The following HMCN1 variants were observed in gnomAD, a reference collection of about 807,000 sequenced individuals.
HMCN1 encodes the protein hemicentin 1, also known as hemicentin-1.
A neutral mutation model predicts 625.9 loss-of-function variants in HMCN1; 321 were observed. The observed-to-expected ratio is 0.51, with a 90% CI of 0.47 to 0.56. HMCN1 has a LOEUF of 0.56. Ranked by LOEUF, HMCN1 falls within the 20% of genes least tolerant of loss-of-function variation. The pLI is 0.00. For missense variants in HMCN1, 6,588 were observed against 6,887.3 expected, an observed-to-expected ratio of 0.96 and a Z score of 1.54; for synonymous variants, 2,425 against 2,417.6, an observed-to-expected ratio of 1.00 and a Z score of -0.09.
At chr1:186,030,558 T>A (rs1655360667) in intron 36 of HMCN1, among the ~76,000 whole-genome samples, 1 of 152,034 alleles carries the variant, frequency 6.6e-6, no homozygotes, top group Admixed American at 6.6e-5. Flanking sequence ...CTTTTTACTT[T>A]CAATGTATTT....
intron 6 of HMCN1, among the ~76,000 whole-genome samples, chr1:185,922,012 G>T (rs542193758): frequency 6.6e-6 from 1 of 152,200 alleles, no homozygotes; most frequent in South Asian, 2.1e-4. Flanking sequence ...TGTGGAAGAA[G>T]GTTTCAATAT....
chr1:186,062,055 A>G, intron 47 of HMCN1, 91 bp downstream of exon 47: 1 of 777,758 alleles, frequency 1.3e-6, no homozygotes. Flanking sequence ...TTGATCTCAT[A>G]CCTGTGTTAT....
intron 93 of HMCN1, among the ~76,000 whole-genome samples, chr1:186,148,213 G>T (rs563301595): frequency 6.6e-6 from 1 of 152,240 alleles, no homozygotes; most frequent in Non-Finnish European, 1.5e-5. Context: ...ATTCATTCAA[G>T]TTTTATCATA....
At chr1:186,133,589 G>GCT (rs1422784565) in intron 86 of HMCN1, among the ~76,000 whole-genome samples, 3 of 152,152 alleles carry the variant, frequency 2.0e-5, no homozygotes, top group Admixed American at 6.6e-5. Flanking sequence ...TTGTGACTAG[G>GCT]CTCAGTATTT....
In HMCN1 at chr1:185,990,061, T is replaced by C. The variant is rs114316066; in HGVS notation, c.3209-214T>C. Among the ~76,000 whole-genome samples, 821 of 152,286 alleles carry C rather than the reference T, an allele frequency of 5.4e-3. 6 individuals carry two copies. Among genetic ancestry groups the C allele is most frequent in the African/African-American group, 0.019 (796 of 41,548 alleles). On this transcript the variant is annotated intron_variant, in intron 21 of 106. Transcript: ENST00000271588. ...GGCATTGCAGCTGATCTCTTCATTG[T>C]GTTCTAAAAGGAATTACTGACTAGA... is the stretch of plus-strand genomic sequence containing the variant.
At chr1:185,748,780 T>C (rs1293406464) in intron 1 of HMCN1, among the ~76,000 whole-genome samples, 3 of 152,176 alleles carry the variant, frequency 2.0e-5, no homozygotes, top group African/African-American at 7.2e-5. Context: ...TGCAGAATTG[T>C]TTTAAGGCTT....
intron 1 of HMCN1, among the ~76,000 whole-genome samples, chr1:185,812,247 T>G (rs1659568494): frequency 6.6e-6 from 1 of 152,128 alleles, no homozygotes; most frequent in Non-Finnish European, 1.5e-5. Context: ...ATAAATATCT[T>G]TTTACTAAAA....
chr1:186,085,783 A>G (rs895303381), intron 57 of HMCN1, among the ~76,000 whole-genome samples: 2 of 152,002 alleles, frequency 1.3e-5, no homozygotes, highest in African/African-American at 4.8e-5. Context: ...TCTACCTTCC[A>G]AAGGCCGAAG....
intron 89 of HMCN1, among the ~76,000 whole-genome samples, chr1:186,141,427 G>A (rs948380378): frequency 2.0e-5 from 3 of 152,142 alleles, no homozygotes; most frequent in Admixed American, 6.6e-5. Context: ...TTACTTTCCG[G>A]TGCAAATAGT....
rs554550070 is a variant in HMCN1 at position 186,086,648 on chromosome 1, A to G, written c.9046+241A>G. Among the ~76,000 whole-genome samples, 18 of 152,248 alleles carry G rather than the reference A, an allele frequency of 1.2e-4. No homozygotes were observed. The East Asian group carries it at 1.4e-3, about 11-fold the overall frequency. Reference sequence around the variant, plus strand: ...AAATGATAAAATTTAGAAAGAGAACAGCTTAGAACGGCCTAGTAATACCAA... The same window carrying G: ...AAATGATAAAATTTAGAAAGAGAACGGCTTAGAACGGCCTAGTAATACCAA... On this transcript the variant is annotated intron_variant, in intron 58 of 106. Coordinates refer to ENST00000271588, the MANE Select transcript of HMCN1 (RefSeq NM_031935.3).
chr1:186,171,931 C>A, intron 101 of HMCN1, 75 bp from the exon 102 acceptor site: 2 of 1,432,088 alleles, frequency 1.4e-6, no homozygotes, highest in Non-Finnish European at 9.7e-7. Context: ...TCCCTAAAAT[C>A]CAAAAGTATG....
chr1:186,153,707 G>A (rs372785548), intron 96 of HMCN1, 43 bp from the exon 97 acceptor site: 74 of 1,542,772 alleles, frequency 4.8e-5, no homozygotes, highest in Non-Finnish European at 5.9e-5. Flanking sequence ...AAAAAAATTA[G>A]TATGAGCCAT....
chr1:185,874,758 C>G (rs1663827270), intron 4 of HMCN1, among the ~76,000 whole-genome samples: 1 of 151,830 alleles, frequency 6.6e-6, no homozygotes, highest in Non-Finnish European at 1.5e-5. Context: ...TAAATAGACA[C>G]AAGAAATTTA....
intron 1 of HMCN1, among the ~76,000 whole-genome samples, chr1:185,815,141 G>A (rs1659765267): frequency 6.7e-6 from 1 of 150,324 alleles, no homozygotes. Context: ...GATTTTACAT[G>A]TATAATGGTG....
chr1:185,906,394 T>C (rs1226890523), intron 4 of HMCN1, among the ~76,000 whole-genome samples: 1 of 151,874 alleles, frequency 6.6e-6, no homozygotes, highest in Admixed American at 6.6e-5. Flanking sequence ...TCATAAATGT[T>C]GGTGAATTGG....
intron 71 of HMCN1, among the ~76,000 whole-genome samples, chr1:186,109,988 T>A (rs535038427): frequency 6.6e-6 from 1 of 152,252 alleles, no homozygotes. Flanking sequence ...TCTAGGTTGA[T>A]CCCAGGTTGA....
Position 186,151,700 on chromosome 1 carries a change from C to G in HMCN1, c.14853C>G (p.Thr4951=). The part of the protein sequence containing the change: ...IGEAVNGFTL[T]NAVFKRETQV... Reference sequence around the variant, plus strand: ...AAGCAGTCAATGGCTTTACCCTCACCAATGCAGTCTTCAAAAGAGAAACTC... The same window carrying G: ...AAGCAGTCAATGGCTTTACCCTCACGAATGCAGTCTTCAAAAGAGAAACTC... Residue 4951 remains threonine (T), a synonymous_variant, in exon 95 of 107, where the codon ACC becomes ACG. Coordinates refer to ENST00000271588, the MANE Select transcript of HMCN1 (RefSeq NM_031935.3). 6.2e-7 allele frequency: 1 copy of G among 1,613,604 alleles called. No individual in the cohort carries two copies. The highest frequency in any genetic ancestry group is 8.5e-7 in the Non-Finnish European group (1 of 1,179,658).
chr1:185,917,945 A>G (rs1157273797), intron 6 of HMCN1, among the ~76,000 whole-genome samples: 3 of 152,060 alleles, frequency 2.0e-5, no homozygotes, highest in African/African-American at 7.2e-5. Context: ...ACTCTGGTTC[A>G]CTCTGCTCCT....
intron 100 of HMCN1, among the ~76,000 whole-genome samples, chr1:186,167,763 C>A (rs1278144736): frequency 6.6e-6 from 1 of 152,190 alleles, no homozygotes; most frequent in Non-Finnish European, 1.5e-5. Context: ...AGATTGCCTT[C>A]TTTCACTTAG....
Sources: gnomAD v4.1 joint callset for allele counts (sites outside exome capture counted in the v4.1 genomes callset) on GRCh38, gnomAD v4.1.1 for gene constraint, MANE v1.5 for transcripts, NCBI Gene and HGNC (gene_info 2026-07-23, HGNC 2026-07-21) for gene names.